The following CFAP47 variants were observed in gnomAD, a reference collection of about 807,000 sequenced individuals.
CFAP47 encodes the protein cilia and flagella associated protein 47.
Under a neutral mutation model 148.1 loss-of-function variants are expected in CFAP47, and 29 were observed. The ratio of observed to expected loss-of-function variants is 0.20; its 90% CI spans 0.15 to 0.27. The LOEUF (loss-of-function observed/expected upper bound fraction) is 0.27, where lower values mean the gene tolerates loss of function less well. Ranked by LOEUF, CFAP47 falls within the 10% of genes least tolerant of loss-of-function variation. The pLI is 1.00. For synonymous variants in CFAP47, 664 were observed against 577.3 expected (o/e 1.15, Z -2.15); for missense variants, 1,872 against 1,697.5 (o/e 1.10, Z -1.81).
intron 39 of CFAP47, among the ~76,000 whole-genome samples, chrX:36,161,197 T>C (rs1308790932): frequency 9.0e-6 from 1 of 111,591 alleles, no homozygotes; most frequent in African/African-American, 3.3e-5. Flanking sequence ...AAATTATATG[T>C]GTTCAAATTC....
At chrX:36,200,640 C>T in intron 43 of CFAP47, 147 bp downstream of exon 43, 1 of 278,998 alleles carries the variant, frequency 3.6e-6, no homozygotes. Flanking sequence ...TGTCAGTATC[C>T]ATGAAATAGA....
At chrX:36,369,456 A>C (rs1319212434) in intron 62 of CFAP47, among the ~76,000 whole-genome samples, 2 of 110,518 alleles carry the variant, frequency 1.8e-5, no homozygotes, top group Non-Finnish European at 3.8e-5. Flanking sequence ...ATTTTTTTTA[A>C]AGATTCAATA....
chrX:36,261,263 G>A (rs979571534), intron 49 of CFAP47, among the ~76,000 whole-genome samples: 1 of 93,905 alleles, frequency 1.1e-5, no homozygotes, highest in Non-Finnish European at 2.0e-5. Context: ...GGAGCAAATG[G>A]TTTATATTTC....
At chrX:36,297,919 C>T (rs1205355563) in intron 51 of CFAP47, among the ~76,000 whole-genome samples, 2 of 110,564 alleles carry the variant, frequency 1.8e-5, no homozygotes, top group Non-Finnish European at 3.8e-5. Flanking sequence ...GAAAGGCTGT[C>T]GGGGAGAGGT....
At chrX:36,298,129 A>G (rs1025312971) in intron 51 of CFAP47, among the ~76,000 whole-genome samples, 1 of 102,367 alleles carries the variant, frequency 9.8e-6, no homozygotes, top group Non-Finnish European at 2.0e-5. Context: ...TTGCGGCACT[A>G]TTCACAATAG....
chrX:36,014,973 A>G (rs989758688), intron 22 of CFAP47, 61 bp downstream of exon 22: 2 of 279,490 alleles, frequency 7.2e-6, no homozygotes, highest in Non-Finnish European at 1.3e-5. Flanking sequence ...TTAAGTGTCT[A>G]AAAGATAAAA....
At chrX:36,014,712 AAT>A (rs1937078168) in intron 21 of CFAP47, 60 bp from the exon 22 acceptor site, 1 of 285,625 alleles carries the variant, frequency 3.5e-6, no homozygotes, top group East Asian at 4.9e-5. Flanking sequence ...TGGCTAAATA[AAT>A]AGTATCCCAT....
chrX:36,374,548 T>A (rs1942003975), intron 62 of CFAP47, among the ~76,000 whole-genome samples: 1 of 111,314 alleles, frequency 9.0e-6, no homozygotes, highest in South Asian at 3.7e-4. Context: ...TGCTCTTATT[T>A]TTTATTATTT....
intron 45 of CFAP47, among the ~76,000 whole-genome samples, chrX:36,214,532 T>C (rs2146891359): frequency 8.9e-6 from 1 of 112,242 alleles, no homozygotes; most frequent in South Asian, 3.6e-4. Context: ...TTGTTGACTC[T>C]TGTAATAAAA....
chrX:36,229,516 G>A (rs191352866), intron 46 of CFAP47, among the ~76,000 whole-genome samples: 8 of 111,324 alleles, frequency 7.2e-5, no homozygotes, highest in South Asian at 3.8e-4. Flanking sequence ...ATGATCCTTC[G>A]ATAGATCTAT....
intron 57 of CFAP47, among the ~76,000 whole-genome samples, chrX:36,335,922 T>C (rs1307130259): frequency 8.9e-6 from 1 of 111,785 alleles, no homozygotes; most frequent in African/African-American, 3.3e-5. Context: ...ATCTCAACTA[T>C]TTTTGTATTA....
intron 22 of CFAP47, among the ~76,000 whole-genome samples, chrX:36,028,352 G>C (rs1937244639): frequency 9.0e-6 from 1 of 110,761 alleles, no homozygotes; most frequent in Non-Finnish European, 1.9e-5. Context: ...TATGGGTCCA[G>C]TTTCATTATT....
In CFAP47 at chrX:36,371,920, A is replaced by G. The variant is rs1373960504; in HGVS notation, c.9185+4793A>G. 4.2e-4 allele frequency among the ~76,000 whole-genome samples: 23 copies of G among 54,240 alleles called. 1 individual carries two copies. The African/African-American group carries it at 5.0e-3, about 12-fold the overall frequency. The allele number at this position is 54,240 out of a possible 115,157, so 47.1% of individuals were successfully genotyped here. ...CACATGTGTATATATGTGTGTATATATGTGTATATACACACATGTGTATAT... is the reference window on the plus strand; with the variant it reads ...CACATGTGTATATATGTGTGTATATGTGTGTATATACACACATGTGTATAT... On this transcript the variant is annotated intron_variant, in intron 62 of 63. Coordinates refer to ENST00000378653, the MANE Select transcript of CFAP47 (RefSeq NM_001304548.2).
intron 15 of CFAP47, among the ~76,000 whole-genome samples, chrX:35,977,928 A>T (rs1445704865): frequency 9.0e-6 from 1 of 111,724 alleles, no homozygotes; most frequent in Admixed American, 9.6e-5. Flanking sequence ...TCTTCTTATT[A>T]ATGTGGATTG....
At chrX:36,093,783 T>C (rs1176939809) in intron 30 of CFAP47, among the ~76,000 whole-genome samples, 2 of 111,672 alleles carry the variant, frequency 1.8e-5, no homozygotes, top group African/African-American at 3.2e-5. Context: ...TTATATATTC[T>C]GGTTATCAAC....
In CFAP47 at chrX:36,085,572, A is replaced by G. The variant is rs1474083432; in HGVS notation, c.4916+34A>G. On this transcript the variant is annotated intron_variant, in intron 30 of 63. Coordinates refer to ENST00000378653, the MANE Select transcript of CFAP47 (RefSeq NM_001304548.2). ...CTGGATGTGCTCATATAAGCATATAACTCTGGCTTGGATAGTTAGATAAAT... is the reference window on the plus strand; with the variant it reads ...CTGGATGTGCTCATATAAGCATATAGCTCTGGCTTGGATAGTTAGATAAAT... The G allele has an allele frequency of 5.3e-6, 5 of 937,197 alleles. No homozygotes were observed. The Admixed American group carries it at 7.3e-5, about 14-fold the overall frequency. 77.2% of individuals were successfully genotyped at this position (937,197 alleles called of 1,213,427 possible).
chrX:36,051,190 A>G (rs1447605036), intron 26 of CFAP47, among the ~76,000 whole-genome samples: 2 of 111,042 alleles, frequency 1.8e-5, no homozygotes, highest in Non-Finnish European at 3.8e-5. Context: ...TGCCTAGGAG[A>G]GCTGTGAGAA....
intron 60 of CFAP47, among the ~76,000 whole-genome samples, chrX:36,358,234 T>C (rs1286116436): frequency 8.9e-6 from 1 of 112,467 alleles, no homozygotes; most frequent in Non-Finnish European, 1.9e-5. Flanking sequence ...CAGTCATATC[T>C]GTGTTCCACA....
At chrX:35,944,730 AACCATGTATACTGC>A (rs1416937509) in intron 3 of CFAP47, among the ~76,000 whole-genome samples, 3 of 111,924 alleles carry the variant, frequency 2.7e-5, no homozygotes, top group African/African-American at 9.7e-5. Context: ...TAGACAGTGT[AACCATGTATACTGC>A]ACCACTTAGT....
Sources: gnomAD v4.1 joint callset for allele counts (sites outside exome capture counted in the v4.1 genomes callset) on GRCh38, gnomAD v4.1.1 for gene constraint, MANE v1.5 for transcripts, NCBI Gene and HGNC (gene_info 2026-07-23, HGNC 2026-07-21) for gene names.